Variants in CARMIL1 observed in about 807,000 individuals in gnomAD.
CARMIL1 encodes the protein capping protein regulator and myosin 1 linker 1.
In CARMIL1, 90 loss-of-function variants were observed where a neutral mutation model predicts 177.1. The observed-to-expected ratio is 0.51, with a 90% CI of 0.43 to 0.61. CARMIL1 has a LOEUF of 0.61. Among genes scored for constraint, CARMIL1 ranks in the 20% least tolerant of loss-of-function variants. The pLI, the probability that CARMIL1 is intolerant of heterozygous loss-of-function variation, is 0.00. For missense variants in CARMIL1, 1,380 were observed against 1,667.0 expected, an observed-to-expected ratio of 0.83 and a Z score of 3.00; for synonymous variants, 577 against 606.2, an observed-to-expected ratio of 0.95 and a Z score of 0.71.
chr6:25,394,379 CAGAG>C (rs1214058789), intron 2 of CARMIL1, among the ~76,000 whole-genome samples: 15 of 152,176 alleles, frequency 9.9e-5, no homozygotes, highest in Admixed American at 3.3e-4. Flanking sequence ...AACTGAGACA[CAGAG>C]AGGTTAAATC....
intron 8 of CARMIL1, among the ~76,000 whole-genome samples, chr6:25,457,298 T>C (rs1387336941): frequency 1.3e-5 from 2 of 152,180 alleles, no homozygotes; most frequent in Admixed American, 6.5e-5. Flanking sequence ...GATTTATAGA[T>C]TAACACATTT....
chr6:25,352,776 G>A (rs1231079378), intron 2 of CARMIL1, among the ~76,000 whole-genome samples: 1 of 152,106 alleles, frequency 6.6e-6, no homozygotes, highest in Non-Finnish European at 1.5e-5. Flanking sequence ...TAAAAAAACT[G>A]TCTTGCTGGA....
chr6:25,449,832 A>C, intron 5 of CARMIL1, 66 bp from the exon 6 acceptor site: 1 of 896,484 alleles, frequency 1.1e-6, no homozygotes, highest in Non-Finnish European at 1.7e-6. Context: ...AATGTGACAA[A>C]ATTTATTTCT....
chr6:25,281,026 G>C (rs1781048901), intron 1 of CARMIL1, among the ~76,000 whole-genome samples: 1 of 152,132 alleles, frequency 6.6e-6, no homozygotes, highest in East Asian at 1.9e-4. Flanking sequence ...AGAGGCTGTT[G>C]CTAGGTTTGT....
chr6:25,409,442 T>G (rs1025851584), intron 2 of CARMIL1, among the ~76,000 whole-genome samples: 2 of 152,174 alleles, frequency 1.3e-5, no homozygotes, highest in African/African-American at 4.8e-5. Flanking sequence ...ACAGATTGTC[T>G]CCAATTTAGA....
chr6:25,397,352 T>G (rs1163870627), intron 2 of CARMIL1, among the ~76,000 whole-genome samples: 1 of 152,164 alleles, frequency 6.6e-6, no homozygotes, highest in Non-Finnish European at 1.5e-5. Flanking sequence ...CCAAATCCCC[T>G]TTCAAGAGGG....
Position 25,577,053 on chromosome 6 carries a change from C to A in CARMIL1, c.2743-3871C>A. 1 of 985,256 alleles carries A rather than the reference C, an allele frequency of 1.0e-6. No individual in the cohort carries two copies. The highest frequency in any genetic ancestry group is 1.2e-6 in the Non-Finnish European group (1 of 829,848). The allele number at this position is 985,256 out of a possible 1,614,324, so 61.0% of individuals were successfully genotyped here. A position where few individuals can be genotyped will look rare whatever the true frequency, so the allele number is the denominator to read the frequency against. ...TGTACTACTTTATATTCTTGTGCTC[C>A]ATTTGCTTCTGTGCTGCCTGGCTGG... On this transcript the variant is annotated intron_variant, in intron 29 of 36. Coordinates refer to ENST00000329474, the MANE Select transcript of CARMIL1 (RefSeq NM_017640.6). The surrounding 1 kb of genome is among the most constrained non-coding windows in gnomAD (Gnocchi z 4.5).
At position 25,297,722 on chromosome 6, in the gene CARMIL1, C is replaced by G. The variant is rs776693244; in HGVS notation, c.138+12813C>G. Among the ~76,000 whole-genome samples the G allele has an allele frequency of 1.3e-4, 20 of 152,216 alleles. 1 individual carries two copies. Among genetic ancestry groups the G allele is most frequent in the Non-Finnish European group, 2.1e-4 (14 of 68,040 alleles). ...CATCTGTCTTTACACCTGACATATG[C>G]AGGTTGTCCGCAGAACTGAACAAGT... is the stretch of plus-strand genomic sequence containing the variant. On this transcript the variant is annotated intron_variant, in intron 2 of 36. Transcript: ENST00000329474.
At position 25,444,184 on chromosome 6, in the gene CARMIL1, T is replaced by A. The variant is rs1304062085; in HGVS notation, c.372-5714T>A. Among the ~76,000 whole-genome samples, 5 of 152,318 alleles carry A rather than the reference T, an allele frequency of 3.3e-5. No individual in the cohort carries two copies. The East Asian group carries it at 9.7e-4, about 29-fold the overall frequency. ...TTTCATGAGTGATTTCTCTGTGGCA[T>A]GCAATGCTGTTTGATAGCATTTTAC... On this transcript the variant is annotated intron_variant, in intron 5 of 36. Transcript: ENST00000329474.
At chr6:25,358,353 G>C (rs1190779377) in intron 2 of CARMIL1, among the ~76,000 whole-genome samples, 1 of 152,018 alleles carries the variant, frequency 6.6e-6, no homozygotes, top group Non-Finnish European at 1.5e-5. Flanking sequence ...AGGTAGGAGA[G>C]GTATTACTTG....
Position 25,279,393 on chromosome 6 carries a change from G to C in CARMIL1, c.-403G>C, listed in dbSNP as rs1473903332. 5.9e-5 allele frequency: 17 copies of C among 288,360 alleles called. 2 individuals carry two copies. Among genetic ancestry groups the C allele is most frequent in the South Asian group, 3.8e-4 (11 of 28,652 alleles). The allele number at this position is 288,360 out of a possible 1,614,324, so 17.9% of individuals were successfully genotyped here. A position where few individuals can be genotyped will look rare whatever the true frequency, so the allele number is the denominator to read the frequency against. ...CTCCCCGCCCTCTCCCACGCCTTCC[G>C]CTTTCACCTAGGGCTGTAGGTGCGG... On this transcript the variant is annotated 5_prime_UTR_variant, in exon 1 of 37. Coordinates refer to ENST00000329474, the MANE Select transcript of CARMIL1 (RefSeq NM_017640.6).
intron 8 of CARMIL1, among the ~76,000 whole-genome samples, chr6:25,459,250 CTTTCTTTCTTTCTTTCTTTT>C (rs1414411854): frequency 5.6e-4 from 63 of 111,972 alleles, no homozygotes; most frequent in African/African-American, 2.1e-3. Context: ...TTCTTTCTTT[CTTTCTTTCTTTCTTTCTTTT>C]TTTTTTTTTT....
intron 26 of CARMIL1, among the ~76,000 whole-genome samples, chr6:25,544,615 AC>A (rs1809253961): frequency 1.4e-5 from 2 of 145,488 alleles, no homozygotes; most frequent in African/African-American, 5.4e-5. Flanking sequence ...CTACACACAC[AC>A]ACACACACAC....
At chr6:25,467,353 G>A (rs1265158952) in intron 9 of CARMIL1, among the ~76,000 whole-genome samples, 1 of 152,182 alleles carries the variant, frequency 6.6e-6, no homozygotes, top group African/African-American at 2.4e-5. Context: ...AGCCACTGGA[G>A]GAATGAGAAG....
chr6:25,390,318 ATATTTTTTTT>A (rs1792656541), intron 2 of CARMIL1, among the ~76,000 whole-genome samples: 1 of 43,690 alleles, frequency 2.3e-5, no homozygotes, highest in Non-Finnish European at 4.1e-5. Flanking sequence ...ATATATATAT[ATATTTTTTTT>A]TTTTTTTTTT....
chr6:25,281,477 G>A (rs1245079798), intron 1 of CARMIL1, among the ~76,000 whole-genome samples: 1 of 152,098 alleles, frequency 6.6e-6, no homozygotes, highest in Non-Finnish European at 1.5e-5. Flanking sequence ...AAGAGAAAGA[G>A]TGAAGGGTAG....
intron 2 of CARMIL1, among the ~76,000 whole-genome samples, chr6:25,375,056 T>C (rs1455390472): frequency 6.6e-6 from 1 of 152,240 alleles, no homozygotes; most frequent in African/African-American, 2.4e-5. Flanking sequence ...CATAGGTACT[T>C]AGTTTTCTTC....
intron 11 of CARMIL1, among the ~76,000 whole-genome samples, chr6:25,480,302 T>C (rs1801960231): frequency 6.6e-6 from 1 of 152,156 alleles, no homozygotes; most frequent in Non-Finnish European, 1.5e-5. Flanking sequence ...GTTTATGTAA[T>C]ATGTGTATTT....
intron 4 of CARMIL1, 46 bp downstream of exon 4, chr6:25,426,606 A>T (rs372916944): frequency 6.5e-7 from 1 of 1,545,210 alleles, no homozygotes; most frequent in African/African-American, 1.4e-5. Context: ...TCTTTCTTGA[A>T]TTCTTGAAAC....
Sources: allele counts gnomAD v4.1 joint callset (sites outside exome capture counted in the v4.1 genomes callset), GRCh38; gene constraint gnomAD v4.1.1; non-coding constraint Gnocchi (gnomAD v3.1); transcripts MANE v1.5; gene names NCBI Gene and HGNC (gene_info 2026-07-23, HGNC 2026-07-21).